SOD1: variants seen among roughly 807,000 people sequenced by gnomAD.
SOD1 encodes the protein superoxide dismutase 1, also known as superoxide dismutase [Cu-Zn].
A neutral mutation model predicts 15.9 loss-of-function variants in SOD1; 8 were observed. The observed-to-expected ratio is 0.50, with a 90% confidence interval of 0.30 to 0.91. The LOEUF (loss-of-function observed/expected upper bound fraction) is 0.91, where lower values mean the gene tolerates loss of function less well. SOD1 is among the 40% of genes least tolerant of loss of function. The pLI, the probability that SOD1 is intolerant of heterozygous loss-of-function variation, is 0.07. For missense variants in SOD1, 137 were observed against 194.5 expected, an observed-to-expected ratio of 0.70 and a Z score of 1.76; for synonymous variants, 86 against 71.2, an observed-to-expected ratio of 1.21 and a Z score of -1.04.
At position 31,659,735 on chromosome 21, in the gene SOD1, C is replaced by T. The variant is rs1336129013; in HGVS notation, c.-35C>T. The stretch of plus-strand genomic sequence containing the variant: ...AGCGTCTGGGGTTTCCGTTGCAGTC[C>T]TCGGAACCAGGACCTCGGCGTGGCC... On this transcript the variant is annotated 5_prime_UTR_variant, in exon 1 of 5. Coordinates refer to ENST00000270142, the MANE Select transcript of SOD1 (RefSeq NM_000454.5). The T allele has an allele frequency of 3.1e-6, 5 of 1,612,138 alleles. No individual in the cohort carries two copies. Among genetic ancestry groups the T allele is most frequent in the South Asian group, 2.2e-5 (2 of 91,050 alleles).
intron 3 of SOD1, 102 bp from the exon 4 acceptor site, chr21:31,667,156 T>G (rs1277484505): frequency 1.2e-6 from 1 of 842,522 alleles, no homozygotes; most frequent in Non-Finnish European, 2.0e-6. Flanking sequence ...GCTACTTGTT[T>G]GCAAATTTGT....
chr21:31,666,677 CT>C (rs926082360), intron 3 of SOD1, 159 bp downstream of exon 3: 4 of 690,596 alleles, frequency 5.8e-6, no homozygotes, highest in African/African-American at 5.3e-5. Context: ...TGCTGGAATG[CT>C]TTTACTTCCT....
rs576189393 is a variant in SOD1 at position 31,668,775 on chromosome 21, A to C, written c.*197A>C. 1.6e-5 allele frequency: 9 copies of C among 574,068 alleles called. No homozygotes were observed. The highest frequency in any genetic ancestry group is 5.6e-5 in the African/African-American group (3 of 53,342). The allele number at this position is 574,068 out of a possible 1,614,324, so 35.6% of individuals were successfully genotyped here. A position where few individuals can be genotyped will look rare whatever the true frequency, so the allele number is the denominator to read the frequency against. ...AGATTTGTATAGTTTTATAAAACTCAGTTAAAATGTCTGTTTCAATGACCT... is the reference window on the plus strand; with the variant it reads ...AGATTTGTATAGTTTTATAAAACTCCGTTAAAATGTCTGTTTCAATGACCT... On this transcript the variant is annotated 3_prime_UTR_variant, in exon 5 of 5. Coordinates refer to ENST00000270142, the MANE Select transcript of SOD1 (RefSeq NM_000454.5).
intron 1 of SOD1, among the ~76,000 whole-genome samples, chr21:31,662,217 A>C (rs1214275155): frequency 6.6e-6 from 1 of 152,224 alleles, no homozygotes; most frequent in Non-Finnish European, 1.5e-5. Flanking sequence ...TCTTGATAAC[A>C]GAGTGTTTGA....
At chr21:31,659,947 G>C (rs1218777606) in intron 1 of SOD1, 106 bp downstream of exon 1, 5 of 1,159,166 alleles carry the variant, frequency 4.3e-6, no homozygotes, top group Non-Finnish European at 6.2e-6. Flanking sequence ...GGGCCGCCCT[G>C]GTCCAGCGCC....
intron 1 of SOD1, among the ~76,000 whole-genome samples, chr21:31,663,215 C>A (rs1016921132): frequency 7.4e-5 from 11 of 148,422 alleles, no homozygotes; most frequent in African/African-American, 2.7e-4. Context: ...TAGGATGAGA[C>A]ATACACCTTT....
chr21:31,663,913 C>A, intron 2 of SOD1, 27 bp downstream of exon 2: 6 of 1,503,970 alleles, frequency 4.0e-6, no homozygotes, highest in Non-Finnish European at 5.6e-6. Flanking sequence ...GCTGGTGACC[C>A]ATACTTGTTC....
chr21:31,666,737 G>GT lies in SOD1; in HGVS notation c.239+220dup, dbSNP rs2049596774. 3 of 588,010 alleles carry GT rather than the reference G, an allele frequency of 5.1e-6. No individual in the cohort carries two copies. In the Admixed American group the frequency reaches 8.4e-5, roughly 16 times the overall value. The allele number at this position is 588,010 out of a possible 1,614,324, so 36.4% of individuals were successfully genotyped here. A position where few individuals can be genotyped will look rare whatever the true frequency, so the allele number is the denominator to read the frequency against. ...GGGACACTTAAAACGATTTGGTTTT[G>GT]TAGCATTTATTGAATATAGAACTAA... is the stretch of plus-strand genomic sequence containing the variant. On this transcript the variant is annotated intron_variant, in intron 3 of 4. Transcript: ENST00000270142.
Position 31,659,867 on chromosome 21 carries a change from T to G in SOD1, c.72+26T>G, listed in dbSNP as rs1319191395. 15 of 1,607,800 alleles carry G rather than the reference T, an allele frequency of 9.3e-6. No homozygotes were observed. The Admixed American group carries it at 2.5e-4, about 27-fold the overall frequency. On this transcript the variant is annotated intron_variant, in intron 1 of 4. Transcript: ENST00000270142. The stretch of plus-strand genomic sequence containing the variant: ...GCAAGGGCTGGGACGGAGGCTTGTT[T>G]GCGAGGCCGCTCCCACCCGCTCGTC...
At chr21:31,663,536 A>T (rs1335461534) in intron 1 of SOD1, among the ~76,000 whole-genome samples, 3 of 152,208 alleles carry the variant, frequency 2.0e-5, no homozygotes, top group Non-Finnish European at 2.9e-5. Context: ...TTATTTAATC[A>T]TGAAGCCTGG....
At chr21:31,666,614 T>C (rs1185495116) in intron 3 of SOD1, 96 bp downstream of exon 3, 10 of 964,582 alleles carry the variant, frequency 1.0e-5, no homozygotes, top group Non-Finnish European at 1.5e-5. Flanking sequence ...ATTCCGTGTT[T>C]CCCCCACCTT....
At chr21:31,666,298 C>T (rs2049592548) in intron 2 of SOD1, 151 bp from the exon 3 acceptor site, 2 of 669,468 alleles carry the variant, frequency 3.0e-6, no homozygotes, top group Non-Finnish European at 5.4e-6. Flanking sequence ...GTTCCCTTCT[C>T]ACTGTGGCTG....
Position 31,659,777 on chromosome 21 carries a change from C to G in SOD1, c.8C>G (p.Thr3Arg). Residue 3 changes from threonine (T) to arginine (R), a missense_variant, in exon 1 of 5, where the codon ACG becomes AGG. By Grantham distance (71) the Thr-to-Arg change is moderately conservative. Coordinates refer to ENST00000270142, the MANE Select transcript of SOD1 (RefSeq NM_000454.5). MA[T>R]KAVCVLKGDG... ...GGCGTGGCCTAGCGAGTTATGGCGA[C>G]GAAGGCCGTGTGCGTGCTGAAGGGC... The G allele has an allele frequency of 6.2e-7, 1 of 1,613,918 alleles. No homozygotes were observed. Among genetic ancestry groups the G allele is most frequent in the Non-Finnish European group, 8.5e-7 (1 of 1,179,894 alleles).
At chr21:31,664,858 C>T (rs549186188) in intron 2 of SOD1, among the ~76,000 whole-genome samples, 7 of 151,994 alleles carry the variant, frequency 4.6e-5, no homozygotes, top group South Asian at 4.2e-4. Flanking sequence ...CCTCGTGATC[C>T]GCCTGTCTCA....
At chr21:31,667,201 C>A in intron 3 of SOD1, 57 bp from the exon 4 acceptor site, 1 of 1,346,180 alleles carries the variant, frequency 7.4e-7, no homozygotes, top group Non-Finnish European at 1.1e-6. Context: ...AGCTCATGAA[C>A]TACCTTGATG....
At chr21:31,668,188 T>C (rs2049614320) in intron 4 of SOD1, among the ~76,000 whole-genome samples, 1 of 152,200 alleles carries the variant, frequency 6.6e-6, no homozygotes, top group Non-Finnish European at 1.5e-5. Context: ...CATGGAGGAT[T>C]AAGGGTAGCG....
rs1804449 is a variant in SOD1, at chr21:31,668,533, C to T, written c.420C>T (p.Asn140=). ...GGNEESTKTG[N]AGSRLACGVI... ...ATGAAGAAAGTACAAAGACAGGAAA[C>T]GCTGGAAGTCGTTTGGCTTGTGGTG... Residue 140 remains asparagine, a synonymous_variant, in exon 5 of 5, where the codon AAC becomes AAT. Transcript: ENST00000270142. 64 of 1,613,904 alleles carry T rather than the reference C, an allele frequency of 4.0e-5. 2 individuals carry two copies. The East Asian group carries it at 6.2e-4, about 16-fold the overall frequency.
intron 1 of SOD1, chr21:31,660,698 C>T (rs964586954): frequency 6.6e-6 from 1 of 152,178 alleles, no homozygotes; most frequent in Admixed American, 6.5e-5. Flanking sequence ...CAAAACCTGT[C>T]CTAGTGCAGG....
intron 3 of SOD1, 128 bp from the exon 4 acceptor site, chr21:31,667,130 G>T: frequency 1.4e-6 from 1 of 717,162 alleles, no homozygotes; most frequent in South Asian, 1.5e-5. Flanking sequence ...TTGAAGAGCT[G>T]TATTTAGAAT....
Sources: allele counts gnomAD v4.1 joint callset (sites outside exome capture counted in the v4.1 genomes callset), GRCh38; gene constraint gnomAD v4.1.1; transcripts MANE v1.5; gene names NCBI Gene and HGNC (gene_info 2026-07-23, HGNC 2026-07-21).